The following KIFAP3 variants were observed in gnomAD, a reference collection of about 807,000 sequenced individuals.
KIFAP3 encodes kinesin associated protein 3.
KIFAP3 carries 68 observed loss-of-function variants against 106.5 expected under a neutral mutation model. The ratio of observed to expected loss-of-function variants is 0.64; its 90% CI spans 0.53 to 0.78. The LOEUF (loss-of-function observed/expected upper bound fraction) is 0.78. Among genes scored for constraint, KIFAP3 ranks in the 30% least tolerant of loss-of-function variants. The pLI is 0.00. For synonymous variants in KIFAP3, 320 were observed against 311.5 expected (o/e 1.03, Z -0.29); for missense variants, 780 against 941.8 (o/e 0.83, Z 2.25).
In KIFAP3 at chr1:169,922,778, C is replaced by T. The variant is rs3790391; in HGVS notation, c.2274-997G>A. Among the ~76,000 whole-genome samples the T allele has an allele frequency of 5.3e-5, 8 of 152,126 alleles. No individual in the cohort carries two copies. In the East Asian group the frequency reaches 1.5e-3, roughly 29 times the overall value. ...AAATGTAAGCTTTGGAAAAATAAAA[C>T]ATATTTAAATGATTTAAGATTTAAG... On this transcript the variant is annotated intron_variant, in intron 19 of 19. Transcript: ENST00000361580.
intron 19 of KIFAP3, among the ~76,000 whole-genome samples, chr1:169,950,944 C>T (rs1330960988): frequency 6.6e-6 from 1 of 151,568 alleles, no homozygotes; most frequent in Non-Finnish European, 1.5e-5. Flanking sequence ...AAAAATATGC[C>T]ACACTTTCAG....
chr1:170,066,001 TTG>T (rs1164540291), intron 1 of KIFAP3, among the ~76,000 whole-genome samples: 1 of 152,254 alleles, frequency 6.6e-6, no homozygotes, highest in East Asian at 1.9e-4. Flanking sequence ...CCTAACAGCC[TTG>T]TGAATTATTA....
chr1:170,023,888 CAATT>C (rs1668980039), intron 9 of KIFAP3, among the ~76,000 whole-genome samples: 1 of 151,918 alleles, frequency 6.6e-6, no homozygotes, highest in Non-Finnish European at 1.5e-5. Flanking sequence ...AAGAGGGTAT[CAATT>C]AATACAATGG....
intron 19 of KIFAP3, among the ~76,000 whole-genome samples, chr1:169,939,423 C>A (rs1349155307): frequency 1.3e-5 from 2 of 151,996 alleles, no homozygotes. Context: ...AAGGGAGGAA[C>A]CTGTTTATAT....
At chr1:169,926,495 T>G (rs2101767872) in intron 19 of KIFAP3, among the ~76,000 whole-genome samples, 1 of 152,274 alleles carries the variant, frequency 6.6e-6, no homozygotes, top group South Asian at 2.1e-4. Flanking sequence ...AGGCTAAAAC[T>G]GTATTAATCT....
In KIFAP3 at chr1:169,999,584, A is replaced by C. The variant is rs142904554; in HGVS notation, c.1184-7329T>G. Among the ~76,000 whole-genome samples the C allele has an allele frequency of 5.4e-3, 815 of 152,330 alleles. 5 individuals are homozygous for C. Among genetic ancestry groups the C allele is most frequent in the Non-Finnish European group, 8.8e-3 (597 of 68,018 alleles). On this transcript the variant is annotated intron_variant, in intron 10 of 19. Transcript: ENST00000361580. ...GGGCAGGGTAGAAAAAAAATGGCCT[A>C]GTCATTATGATTCCTTTGGTATTTA...
Position 169,978,598 on chromosome 1 carries a change from A to G in KIFAP3, c.1799-415T>C, listed in dbSNP as rs550109754. On this transcript the variant is annotated intron_variant, in intron 15 of 19. Transcript: ENST00000361580. ...AAGTAATTTAGTTTCCATCTAATTA[A>G]TTATAATAGTAAAAAAGTTACATAA... Among the ~76,000 whole-genome samples, 4 of 152,214 alleles carry G rather than the reference A, an allele frequency of 2.6e-5. No individual in the cohort carries two copies. The South Asian group carries it at 8.3e-4, about 32-fold the overall frequency.
chr1:169,993,354 C>T (rs954706767), intron 10 of KIFAP3, among the ~76,000 whole-genome samples: 5 of 151,392 alleles, frequency 3.3e-5, no homozygotes, highest in African/African-American at 1.2e-4. Context: ...TCATGATCTG[C>T]CCACCTTGGC....
intron 8 of KIFAP3, among the ~76,000 whole-genome samples, chr1:170,026,766 C>G (rs182088496): frequency 1.7e-4 from 26 of 152,284 alleles, no homozygotes; most frequent in Admixed American, 1.0e-3. Context: ...CTTCTACCAA[C>G]CATACTGGCA....
intron 10 of KIFAP3, among the ~76,000 whole-genome samples, chr1:170,003,596 CT>C (rs1667778122): frequency 4.9e-5 from 1 of 20,204 alleles, no homozygotes; most frequent in African/African-American, 6.0e-4. Context: ...GAGGTTACTG[CT>C]GCCTTTTGTC....
At chr1:169,978,831 C>T (rs1344960439) in intron 15 of KIFAP3, among the ~76,000 whole-genome samples, 1 of 152,012 alleles carries the variant, frequency 6.6e-6, no homozygotes. Flanking sequence ...AGTTTCAGGT[C>T]AACAGAGTAT....
intron 1 of KIFAP3, among the ~76,000 whole-genome samples, chr1:170,062,964 G>C (rs532691471): frequency 2.0e-4 from 31 of 152,016 alleles, no homozygotes; most frequent in African/African-American, 6.8e-4. Context: ...ATAACAGTGA[G>C]AGAAATCTAA....
rs914476611 is a variant in KIFAP3 at position 170,005,787 on chromosome 1, A to G, written c.1183+10675T>C. On this transcript the variant is annotated intron_variant, in intron 10 of 19. Transcript: ENST00000361580. ...ACGAGTTAATGGGTGCAGCACACCA[A>G]CATGGCACATGTATACATATGTAAC... Among the ~76,000 whole-genome samples, 27 of 151,360 alleles carry G rather than the reference A, an allele frequency of 1.8e-4. 1 individual carries two copies. Among genetic ancestry groups the G allele is most frequent in the Non-Finnish European group, 4.4e-5 (3 of 67,808 alleles).
At chr1:170,033,766 C>T (rs912187532) in intron 7 of KIFAP3, among the ~76,000 whole-genome samples, 1 of 151,716 alleles carries the variant, frequency 6.6e-6, no homozygotes, top group Non-Finnish European at 1.5e-5. Context: ...AATAAATAAA[C>T]ACTGACATTG....
rs138739978 is a variant in KIFAP3 at position 169,993,943 on chromosome 1, C to T, written c.1184-1688G>A. ...ATCTCTCAAATTTACTTTGAACTTC[C>T]TTACCATTTGATATATTTATCTAAC... On this transcript the variant is annotated intron_variant, in intron 10 of 19. Transcript: ENST00000361580. Among the ~76,000 whole-genome samples, 247 of 152,226 alleles carry T rather than the reference C, an allele frequency of 1.6e-3. 1 individual carries two copies. The highest frequency in any genetic ancestry group is 5.6e-3 in the African/African-American group (234 of 41,548).
At chr1:170,069,611 A>G (rs941814546) in intron 1 of KIFAP3, among the ~76,000 whole-genome samples, 1 of 152,126 alleles carries the variant, frequency 6.6e-6, no homozygotes, top group Non-Finnish European at 1.5e-5. Context: ...ACAAAACCCA[A>G]CATCTTTTCA....
At position 170,051,632 on chromosome 1, in the gene KIFAP3, A is replaced by G. The variant is rs376625695; in HGVS notation, c.164+3673T>C. ...CAGCAAATGCAGAAGAATGGAAATC[A>G]TAACAAACAGTCTCTCAGACCACAG... On this transcript the variant is annotated intron_variant, in intron 2 of 19. Transcript: ENST00000361580. Among the ~76,000 whole-genome samples the G allele has an allele frequency of 3.3e-5, 5 of 152,358 alleles. No homozygotes were observed. The East Asian group carries it at 7.7e-4, about 24-fold the overall frequency.
chr1:170,010,950 T>C (rs959335962), intron 10 of KIFAP3, among the ~76,000 whole-genome samples: 1 of 151,894 alleles, frequency 6.6e-6, no homozygotes, highest in African/African-American at 2.4e-5. Context: ...ATATATGAAA[T>C]AGGTAATTCT....
chr1:170,018,324 A>G (rs1668624783), intron 9 of KIFAP3, among the ~76,000 whole-genome samples: 1 of 152,128 alleles, frequency 6.6e-6, no homozygotes, highest in Non-Finnish European at 1.5e-5. Context: ...TTTGAAGAAA[A>G]GGTTTGCAAA....
Sources: gnomAD v4.1 joint callset for allele counts (sites outside exome capture counted in the v4.1 genomes callset) on GRCh38, gnomAD v4.1.1 for gene constraint, MANE v1.5 for transcripts, NCBI Gene and HGNC (gene_info 2026-07-23, HGNC 2026-07-21) for gene names.